The following SRRM2 variants were observed in gnomAD, a reference collection of about 807,000 sequenced individuals.
The protein encoded by SRRM2 is serine/arginine repetitive matrix 2.
SRRM2 carries 30 observed loss-of-function variants against 213.8 expected under a neutral mutation model. The observed-to-expected ratio is 0.14, with a 90% CI of 0.10 to 0.19. The LOEUF (loss-of-function observed/expected upper bound fraction) is 0.19. Among genes scored for constraint, SRRM2 ranks in the 10% least tolerant of loss-of-function variants. SRRM2 has a pLI of 1.00. For synonymous variants in SRRM2, 2,025 were observed against 1,377.7 expected (o/e 1.47, Z -10.40); for missense variants, 4,904 against 3,647.0 (o/e 1.34, Z -8.88).
At chr16:2,770,107 CACT>C (rs1201913358) in intron 12 of SRRM2, 2 of 1,398,838 alleles carry the variant, frequency 1.4e-6, no homozygotes, top group East Asian at 2.6e-5. Context: ...CTTTCTTCAC[CACT>C]GAGCTCCTTC....
chr16:2,769,535 T>C lies in SRRM2; in HGVS notation c.8021+251T>C, dbSNP rs1351180776. 4 of 643,162 alleles carry C rather than the reference T, an allele frequency of 6.2e-6. No homozygotes were observed. In the Admixed American group the frequency reaches 6.5e-5, roughly 10 times the overall value. 39.8% of individuals were successfully genotyped at this position (643,162 alleles called of 1,614,324 possible). On this transcript the variant is annotated intron_variant, in intron 12 of 14. Transcript: ENST00000301740. Reference sequence around the variant, plus strand: ...TTCTTCCTCTCCCTCCCTCAACACATAGCCTGTTCCCAGGGTTCTAGCTTT... The same window carrying C: ...TTCTTCCTCTCCCTCCCTCAACACACAGCCTGTTCCCAGGGTTCTAGCTTT...
rs747294235 is a variant in SRRM2 at position 2,761,686 on chromosome 16, A to G, written c.1158A>G (p.Leu386=). The G allele has an allele frequency of 1.1e-5, 17 of 1,602,626 alleles. No homozygotes were observed. The highest frequency in any genetic ancestry group is 3.4e-5 in the South Asian group (3 of 89,400). Residue 386 remains leucine, a synonymous_variant, in exon 11 of 15, where the codon TTA becomes TTG. Coordinates refer to ENST00000301740, the MANE Select transcript of SRRM2 (RefSeq NM_016333.4). ...GSPQPLATTP[L]SQEPVNPPSE... ...CACAACCCCTTGCAACCACCCCCTT[A>G]AGCCAGGAGCCAGTGAACCCCCCAT... is the stretch of plus-strand genomic sequence containing the variant.
Position 2,765,060 on chromosome 16 carries a change from C to T in SRRM2, c.4532C>T (p.Thr1511Ile), listed in dbSNP as rs2068491591. The change falls in exon 11 of 15, where the codon ACC (threonine) becomes ATC (isoleucine). Residue 1511 changes from threonine to isoleucine, a missense_variant. Coordinates refer to ENST00000301740, the MANE Select transcript of SRRM2 (RefSeq NM_016333.4). ...CCAGAGCTCAACAACAAGTGTCTTA[C>T]CCCCCAGAGAGAAAGAAGCGGGTCA... The part of the protein sequence containing the change: ...SSPELNNKCL[T>I]PQRERSGSES... The T allele has an allele frequency of 3.1e-6, 5 of 1,613,998 alleles. No homozygotes were observed. The highest frequency in any genetic ancestry group is 1.7e-5 in the Admixed American group (1 of 60,020).
At chr16:2,759,916 G>A (rs1244358859) in intron 9 of SRRM2, 2 of 546,102 alleles carry the variant, frequency 3.7e-6, no homozygotes, top group South Asian at 2.4e-5. Context: ...AATAGGGGGG[G>A]TGGTGGTTTG....
chr16:2,758,677 G>A, intron 5 of SRRM2, 130 bp downstream of exon 5: 1 of 884,702 alleles, frequency 1.1e-6, no homozygotes, highest in Non-Finnish European at 1.8e-6. Context: ...AGTTACCATT[G>A]AGGCCTCAAC....
rs2068583950 is a variant in SRRM2 at position 2,767,490 on chromosome 16, C to G, written c.6962C>G (p.Ala2321Gly). ...LTGSGTPPTA[A>G]NYPSSSRTPQ... ...GGCTCTGGCACACCACCAACTGCTG[C>G]AAACTATCCCTCCAGCTCCAGAACA... The change falls in exon 11 of 15, where the codon GCA becomes GGA. Residue 2321 changes from alanine to glycine, a missense_variant. Ala to Gly is a moderately conservative substitution (Grantham distance 60). Transcript: ENST00000301740. The G allele has an allele frequency of 2.5e-6, 4 of 1,614,236 alleles. No homozygotes were observed. The highest frequency in any genetic ancestry group is 3.4e-6 in the Non-Finnish European group (4 of 1,180,030).
chr16:2,760,281 T>C lies in SRRM2; in HGVS notation c.834-20T>C, dbSNP rs1432409753. 6 of 1,609,048 alleles carry C rather than the reference T, an allele frequency of 3.7e-6. No individual in the cohort carries two copies. Among genetic ancestry groups the C allele is most frequent in the Non-Finnish European group, 5.1e-6 (6 of 1,178,622 alleles). ...GAGCTGATTTCCTTCCTCTCCCACG[T>C]CCTCAATTAACTCCTGCAGGTCTCG... On this transcript the variant is annotated intron_variant, in intron 9 of 14. Coordinates refer to ENST00000301740, the MANE Select transcript of SRRM2 (RefSeq NM_016333.4).
At position 2,770,733 on chromosome 16, in the gene SRRM2, G is replaced by A. The variant is rs759949583; in HGVS notation, c.8249+16G>A. The A allele has an allele frequency of 1.3e-5, 20 of 1,578,692 alleles. No homozygotes were observed. The East Asian group carries it at 4.4e-4, about 34-fold the overall frequency. On this transcript the variant is annotated intron_variant, in intron 14 of 14. Coordinates refer to ENST00000301740, the MANE Select transcript of SRRM2 (RefSeq NM_016333.4). Reference sequence around the variant, plus strand: ...GCTCCTCCAGGTGCGTGTCCTGGAAGGCTGATGCCCCCTTCCGGGAGCCAG... The same window carrying A: ...GCTCCTCCAGGTGCGTGTCCTGGAAAGCTGATGCCCCCTTCCGGGAGCCAG...
chr16:2,758,351 A>G (rs2068220305), intron 4 of SRRM2, 119 bp from the exon 5 acceptor site: 1 of 955,952 alleles, frequency 1.0e-6, no homozygotes, highest in South Asian at 1.5e-5. Context: ...ACCTGAGGCA[A>G]CAGAGCGAGA....
At position 2,758,993 on chromosome 16, in the gene SRRM2, A is replaced by G; in HGVS notation, c.602A>G (p.Glu201Gly). The G allele has an allele frequency of 6.2e-7, 1 of 1,614,212 alleles. No individual in the cohort carries two copies. Among genetic ancestry groups the G allele is most frequent in the Non-Finnish European group, 8.5e-7 (1 of 1,180,040 alleles). Residue 201 changes from glutamate (E) to glycine (G), a missense_variant, in exon 6 of 15, where the codon GAG becomes GGG. Transcript: ENST00000301740. ...KKKKDRGRRS[E>G]SSSPRRERKK... ...TTTGAATCCATCTTTAGCAGGTCAG[A>G]GAGCAGCTCTCCTCGACGGGAGAGA...
chr16:2,756,556 G>T lies in SRRM2; in HGVS notation c.192G>T (p.Arg64=), dbSNP rs1262073457. The change falls in exon 2 of 15, where the codon CGG becomes CGT. Residue 64 remains arginine (R), a synonymous_variant. Coordinates refer to ENST00000301740, the MANE Select transcript of SRRM2 (RefSeq NM_016333.4). Reference sequence around the variant, plus strand: ...ACATCCTGGACCACGAGCGCAAGCGGCGCGTCGAGCTGCGATGCCTCGAGC... The same window carrying T: ...ACATCCTGGACCACGAGCGCAAGCGTCGCGTCGAGCTGCGATGCCTCGAGC... ...NPDILDHERK[R]RVELRCLELE... is the part of the protein sequence containing the mutation. 1 of 1,614,116 alleles carries T rather than the reference G, an allele frequency of 6.2e-7. No individual in the cohort carries two copies. The highest frequency in any genetic ancestry group is 8.5e-7 in the Non-Finnish European group (1 of 1,180,000).
At position 2,766,609 on chromosome 16, in the gene SRRM2, G is replaced by C; in HGVS notation, c.6081G>C (p.Arg2027=). 2 of 1,613,436 alleles carry C rather than the reference G, an allele frequency of 1.2e-6. No homozygotes were observed. The highest frequency in any genetic ancestry group is 2.7e-5 in the African/African-American group (2 of 74,780). The change falls in exon 11 of 15, where the codon CGG becomes CGC. Residue 2027 remains arginine (R), a synonymous_variant. Transcript: ENST00000301740. This position sits in a 1 kb window ranked among gnomAD's most constrained non-coding sequence, Gnocchi z 7.0. The part of the protein sequence containing the change: ...RSRSRTPPAI[R]RRSRSRTPLL... ...GGTCCCGGACACCTCCAGCTATTCG[G>C]CGCCGCTCTAGATCTCGAACGCCAC...
At chr16:2,755,574 GAAATTGAAGGAATA>G (rs1447409847) in intron 1 of SRRM2, among the ~76,000 whole-genome samples, 1 of 149,772 alleles carries the variant, frequency 6.7e-6, no homozygotes, top group Non-Finnish European at 1.5e-5. Flanking sequence ...TGAGAGGAAG[GAAATTGAAGGAATA>G]AAATATCAGG....
rs530138996 is a variant in SRRM2, at chr16:2,756,344, G to GC, written c.-13dup. The GC allele has an allele frequency of 1.8e-3, 2,804 of 1,577,984 alleles. 8 individuals carry two copies. Among genetic ancestry groups the GC allele is most frequent in the South Asian group, 4.1e-3 (359 of 87,840 alleles). ...CCCGCTCCCCCTCAGGAGCGGTGGT[G>GC]CCCCCCCCGGGCACGGGGCCATGTA... On this transcript the variant is annotated 5_prime_UTR_variant, in exon 2 of 15. Coordinates refer to ENST00000301740, the MANE Select transcript of SRRM2 (RefSeq NM_016333.4).
At position 2,762,345 on chromosome 16, in the gene SRRM2, C is replaced by G; in HGVS notation, c.1817C>G (p.Ser606Cys). ...ACTCCCACCAGGCGTAGGTCTCGGT[C>G]TAGAACACCAGCCCGGAGGGGCAGG... ...SRTPTRRRSR[S>C]RTPARRGRSR... is the part of the protein sequence containing the mutation. Residue 606 changes from serine (S) to cysteine (C), a missense_variant, in exon 11 of 15, where the codon TCT (serine) becomes TGT (cysteine). Coordinates refer to ENST00000301740, the MANE Select transcript of SRRM2 (RefSeq NM_016333.4). 6.2e-7 allele frequency: 1 copy of G among 1,610,844 alleles called. No homozygotes were observed. Among genetic ancestry groups the G allele is most frequent in the Non-Finnish European group, 8.5e-7 (1 of 1,178,616 alleles).
intron 4 of SRRM2, 90 bp downstream of exon 4, chr16:2,758,035 C>G (rs2068209300): frequency 2.7e-6 from 4 of 1,459,858 alleles, no homozygotes; most frequent in Non-Finnish European, 3.7e-6. Context: ...TGGTTTCTTC[C>G]CAAACTCTTC....
chr16:2,768,244 T>C lies in SRRM2; in HGVS notation c.7716T>C (p.Pro2572=), dbSNP rs1195000412. The change falls in exon 11 of 15, where the codon CCT becomes CCC. Residue 2572 remains proline (P), a synonymous_variant. Transcript: ENST00000301740. ...AGGGCTCTAGCCTTCCTGTGCAACC[T>C]GAGGTGGCACTGAAGAGGTGAGGGA... ...DSEGSSLPVQ[P]EVALKRVPSP... is the part of the protein sequence containing the mutation. The C allele has an allele frequency of 5.1e-6, 8 of 1,559,030 alleles. No homozygotes were observed. Among genetic ancestry groups the C allele is most frequent in the Non-Finnish European group, 6.9e-6 (8 of 1,153,982 alleles).
chr16:2,765,123 C>T lies in SRRM2; in HGVS notation c.4595C>T (p.Pro1532Leu), dbSNP rs772805565. Residue 1532 changes from proline to leucine, a missense_variant, in exon 11 of 15, where the codon CCC becomes CTC. By Grantham distance (98) the Pro-to-Leu change is moderately conservative. Transcript: ENST00000301740. ...SVDQKTVART[P>L]LGQRSRSGSS... ...GATCAGAAAACTGTGGCTCGGACTC[C>T]CCTGGGGCAGAGAAGTCGTTCGGGA... 9.3e-6 allele frequency: 15 copies of T among 1,614,000 alleles called. No individual in the cohort carries two copies. Among genetic ancestry groups the T allele is most frequent in the Middle Eastern group, 3.3e-4 (2 of 6,084 alleles).
chr16:2,768,197 G>A lies in SRRM2; in HGVS notation c.7669G>A (p.Gly2557Ser). The change falls in exon 11 of 15, where the codon GGC becomes AGC. Residue 2557 changes from glycine to serine, a missense_variant. Coordinates refer to ENST00000301740, the MANE Select transcript of SRRM2 (RefSeq NM_016333.4). ...GTCGTCGTCGTCCTCCTCCTCCTCT[G>A]GCTCCAGTTCTAGTGACTCAGAGGG... ...SSSSSSSSSS[G>S]SSSSDSEGSS... 1 of 1,607,966 alleles carries A rather than the reference G, an allele frequency of 6.2e-7. No homozygotes were observed. Among genetic ancestry groups the A allele is most frequent in the Non-Finnish European group, 8.5e-7 (1 of 1,176,612 alleles).
Sources: gnomAD v4.1 joint callset for allele counts (sites outside exome capture counted in the v4.1 genomes callset) on GRCh38, gnomAD v4.1.1 for gene constraint, Gnocchi (gnomAD v3.1) non-coding constraint, MANE v1.5 for transcripts, NCBI Gene and HGNC (gene_info 2026-07-23, HGNC 2026-07-21) for gene names.